Variants in STX8 observed in about 807,000 individuals in gnomAD.
STX8 encodes syntaxin 8, also known as syntaxin-8.
In STX8, 23 loss-of-function variants were observed where a neutral mutation model predicts 37.5. That is an observed-to-expected ratio of 0.61 (90% confidence interval 0.44 to 0.87). STX8 has a LOEUF of 0.87. Ranked by LOEUF, STX8 falls within the 40% of genes least tolerant of loss-of-function variation. STX8 has a pLI of 0.00. For synonymous variants in STX8, 115 were observed against 99.1 expected (o/e 1.16, Z -0.95); for missense variants, 313 against 284.7 (o/e 1.10, Z -0.71).
intron 7 of STX8, among the ~76,000 whole-genome samples, chr17:9,288,198 A>C (rs1004419115): frequency 6.6e-6 from 1 of 150,808 alleles, no homozygotes; most frequent in African/African-American, 2.4e-5. Context: ...AAAAAAAAAC[A>C]GAAAAAGGAA....
intron 6 of STX8, among the ~76,000 whole-genome samples, chr17:9,455,067 T>C (rs1450431367): frequency 6.6e-6 from 1 of 151,656 alleles, no homozygotes; most frequent in Non-Finnish European, 1.5e-5. Flanking sequence ...AATTAAAAAA[T>C]TAGCCAGGTG....
At chr17:9,262,831 C>G (rs1471135251) in intron 7 of STX8, among the ~76,000 whole-genome samples, 1 of 152,078 alleles carries the variant, frequency 6.6e-6, no homozygotes, top group Non-Finnish European at 1.5e-5. Context: ...CCACCTGCCT[C>G]CCAAAGTGGT....
At chr17:9,566,864 G>C (rs1907479963) in intron 2 of STX8, among the ~76,000 whole-genome samples, 3 of 152,120 alleles carry the variant, frequency 2.0e-5, no homozygotes, top group Admixed American at 1.3e-4. Flanking sequence ...AAAAGACATA[G>C]AATCAACCTG....
At chr17:9,369,470 T>C (rs1271664060) in intron 7 of STX8, among the ~76,000 whole-genome samples, 1 of 152,190 alleles carries the variant, frequency 6.6e-6, no homozygotes, top group Non-Finnish European at 1.5e-5. Context: ...TTGCTTATTC[T>C]TGTGGTAAAA....
intron 7 of STX8, among the ~76,000 whole-genome samples, chr17:9,301,181 A>G (rs776043099): frequency 1.3e-5 from 2 of 152,094 alleles, no homozygotes; most frequent in Non-Finnish European, 2.9e-5. Context: ...ATTAGGCAAA[A>G]TGATTAGTAA....
chr17:9,493,717 T>C (rs1393142686), intron 5 of STX8, among the ~76,000 whole-genome samples: 2 of 152,226 alleles, frequency 1.3e-5, no homozygotes, highest in African/African-American at 4.8e-5. Flanking sequence ...TAGTTCTGTT[T>C]TGAGAGTTCT....
intron 7 of STX8, among the ~76,000 whole-genome samples, chr17:9,267,313 C>T (rs974405178): frequency 6.6e-6 from 1 of 152,152 alleles, no homozygotes; most frequent in African/African-American, 2.4e-5. Context: ...AGCATACTAC[C>T]CGGCTTATGG....
At chr17:9,468,083 A>C (rs1316089781) in intron 6 of STX8, among the ~76,000 whole-genome samples, 3 of 152,170 alleles carry the variant, frequency 2.0e-5, no homozygotes, top group African/African-American at 7.2e-5. Context: ...ATAGCGTAGA[A>C]ACAATATAGC....
chr17:9,400,343 C>A (rs1031334250), intron 6 of STX8, among the ~76,000 whole-genome samples: 1 of 151,826 alleles, frequency 6.6e-6, no homozygotes, highest in South Asian at 2.1e-4. Flanking sequence ...CCTTGTGATC[C>A]GCCTGCCTCA....
intron 7 of STX8, among the ~76,000 whole-genome samples, chr17:9,319,087 A>C (rs890988325): frequency 6.6e-6 from 1 of 152,210 alleles, no homozygotes; most frequent in African/African-American, 2.4e-5. Flanking sequence ...TTCCACGTGG[A>C]AATTAGTACT....
At chr17:9,310,349 G>A (rs898978751) in intron 7 of STX8, among the ~76,000 whole-genome samples, 19 of 152,094 alleles carry the variant, frequency 1.2e-4, no homozygotes, top group Middle Eastern at 3.2e-3. Flanking sequence ...TTGGAAATAC[G>A]CGAGGAATTG....
intron 6 of STX8, among the ~76,000 whole-genome samples, chr17:9,427,612 G>A (rs1484677478): frequency 6.6e-6 from 1 of 152,120 alleles, no homozygotes; most frequent in African/African-American, 2.4e-5. Flanking sequence ...GCCTAGGCAA[G>A]CAGCTTGGCT....
chr17:9,530,033 C>T (rs1215931244), intron 4 of STX8, among the ~76,000 whole-genome samples: 1 of 152,072 alleles, frequency 6.6e-6, no homozygotes, highest in African/African-American at 2.4e-5. Flanking sequence ...CTAGGCCGGG[C>T]GCAGTGGCTC....
rs772431919 is a variant in STX8 at position 9,505,035 on chromosome 17, T to C, written c.448+3A>G. The C allele has an allele frequency of 1.2e-6, 2 of 1,601,018 alleles. No individual in the cohort carries two copies. The highest frequency in any genetic ancestry group is 1.7e-6 in the Non-Finnish European group (2 of 1,172,728). ...AGCCCACACTCCTCAGGATATTTAG[T>C]ACCTTGGATAATTTTCTGCTGCTGT... On this transcript the variant is annotated splice_donor_region_variant and intron_variant, in intron 5 of 7. Coordinates refer to ENST00000306357, the MANE Select transcript of STX8 (RefSeq NM_004853.3).
intron 6 of STX8, among the ~76,000 whole-genome samples, chr17:9,406,939 G>A (rs1369689713): frequency 6.6e-6 from 1 of 152,134 alleles, no homozygotes; most frequent in African/African-American, 2.4e-5. Flanking sequence ...AGACTTGGAG[G>A]CAAGGAGGGC....
intron 4 of STX8, among the ~76,000 whole-genome samples, chr17:9,510,794 A>T (rs1221394742): frequency 6.6e-6 from 1 of 152,098 alleles, no homozygotes; most frequent in Non-Finnish European, 1.5e-5. Flanking sequence ...AAATTGAAAT[A>T]AAAAATGTAT....
intron 4 of STX8, among the ~76,000 whole-genome samples, chr17:9,517,909 A>G (rs1221593586): frequency 6.6e-6 from 1 of 151,986 alleles, no homozygotes; most frequent in African/African-American, 2.4e-5. Context: ...AACACGAATG[A>G]GTCTCCAGGA....
intron 6 of STX8, among the ~76,000 whole-genome samples, chr17:9,414,187 C>T (rs980080212): frequency 4.0e-5 from 6 of 150,660 alleles, no homozygotes; most frequent in South Asian, 4.3e-4. Flanking sequence ...CAAGAGGTGG[C>T]GAAAATCCAG....
intron 7 of STX8, among the ~76,000 whole-genome samples, chr17:9,257,549 G>T (rs1192408773): frequency 6.6e-6 from 1 of 152,108 alleles, no homozygotes. Context: ...CCCTGTAGCT[G>T]CAGGGGAACG....
Sources: gnomAD v4.1 joint callset for allele counts (sites outside exome capture counted in the v4.1 genomes callset) on GRCh38, gnomAD v4.1.1 for gene constraint, MANE v1.5 for transcripts, NCBI Gene and HGNC (gene_info 2026-07-23, HGNC 2026-07-21) for gene names.